TMEM131: variants seen among roughly 807,000 people sequenced by gnomAD.
The protein encoded by TMEM131 is 2610524E03Rik.
A neutral mutation model predicts 211.6 loss-of-function variants in TMEM131; 66 were observed. That is an observed-to-expected ratio of 0.31 (90% CI 0.26 to 0.38). TMEM131 has a LOEUF of 0.38. TMEM131 is among the 10% of genes least tolerant of loss of function. The probability of loss-of-function intolerance (pLI) is 1.00; values close to 1 mark genes in which losing one functional copy is unlikely to be tolerated. For synonymous variants in TMEM131, 844 were observed against 841.3 expected (o/e 1.00, Z -0.06); for missense variants, 2,036 against 2,299.3 (o/e 0.89, Z 2.34).
intron 31 of TMEM131, among the ~76,000 whole-genome samples, chr2:97,791,823 G>T (rs112028458): frequency 2.6e-5 from 4 of 152,200 alleles, no homozygotes; most frequent in African/African-American, 7.2e-5. Flanking sequence ...TTTGCAAAGG[G>T]CCAGATAGCA....
At chr2:97,833,550 A>G (rs926606860) in intron 10 of TMEM131, 124 bp from the exon 11 acceptor site, 14 of 579,658 alleles carry the variant, frequency 2.4e-5, no homozygotes, top group Non-Finnish European at 4.3e-5. Flanking sequence ...AATAAGATTA[A>G]TAAAAAGAAA....
chr2:97,941,471 G>C (rs921500041), intron 1 of TMEM131, among the ~76,000 whole-genome samples: 1 of 152,164 alleles, frequency 6.6e-6, no homozygotes, highest in Non-Finnish European at 1.5e-5. Flanking sequence ...AAAATTGACA[G>C]ATGGGATCTA....
chr2:97,802,012 G>A (rs1384625315), intron 24 of TMEM131, 51 bp from the exon 25 acceptor site: 1 of 1,302,120 alleles, frequency 7.7e-7, no homozygotes. Flanking sequence ...TCACAGTTAA[G>A]GGAGTTATGG....
At chr2:97,882,718 G>A (rs896948746) in intron 4 of TMEM131, among the ~76,000 whole-genome samples, 9 of 152,242 alleles carry the variant, frequency 5.9e-5, no homozygotes, top group East Asian at 1.9e-4. Context: ...ACCCATGTGC[G>A]TGTATATATA....
chr2:97,815,041 T>C (rs1681752503), intron 13 of TMEM131, among the ~76,000 whole-genome samples, 158 bp downstream of exon 13: 2 of 152,128 alleles, frequency 1.3e-5, no homozygotes, highest in African/African-American at 4.8e-5. Flanking sequence ...AAACAAAATA[T>C]AGGAGGTTTT....
At chr2:97,789,348 G>A (rs1321208204) in intron 31 of TMEM131, among the ~76,000 whole-genome samples, 4 of 152,214 alleles carry the variant, frequency 2.6e-5, no homozygotes, top group Non-Finnish European at 4.4e-5. Context: ...GTTCCTAACA[G>A]ATGCTTCTGC....
chr2:97,938,389 A>AT (rs1193112195), intron 1 of TMEM131, among the ~76,000 whole-genome samples: 7 of 152,198 alleles, frequency 4.6e-5, no homozygotes, highest in African/African-American at 7.2e-5. Context: ...CTAGTCTCTG[A>AT]TAAAACAGAC....
At chr2:97,875,918 A>G (rs974212542) in intron 4 of TMEM131, among the ~76,000 whole-genome samples, 1 of 152,226 alleles carries the variant, frequency 6.6e-6, no homozygotes, top group African/African-American at 2.4e-5. Context: ...AAAAAAATCA[A>G]TGAATCCAGG....
chr2:97,929,847 T>C (rs1420910846), intron 1 of TMEM131, among the ~76,000 whole-genome samples: 1 of 151,860 alleles, frequency 6.6e-6, no homozygotes. Context: ...TTTTTCTGGT[T>C]ATGTTATCTC....
chr2:97,905,506 TTA>T (rs1289096151), intron 3 of TMEM131, among the ~76,000 whole-genome samples: 2 of 152,184 alleles, frequency 1.3e-5, no homozygotes, highest in Non-Finnish European at 2.9e-5. Flanking sequence ...TAGACATGTG[TTA>T]GACTGCTTGC....
chr2:97,883,562 G>A (rs1432271423), intron 4 of TMEM131, among the ~76,000 whole-genome samples: 3 of 152,018 alleles, frequency 2.0e-5, no homozygotes, highest in Non-Finnish European at 2.9e-5. Flanking sequence ...TCATGACACC[G>A]AACTGTTCTC....
At chr2:97,785,824 A>G (rs1680222219) in intron 31 of TMEM131, among the ~76,000 whole-genome samples, 1 of 152,264 alleles carries the variant, frequency 6.6e-6, no homozygotes, top group South Asian at 2.1e-4. Flanking sequence ...AAGTTGGACT[A>G]CTATTCAGCA....
At chr2:97,934,157 T>C (rs567488996) in intron 1 of TMEM131, among the ~76,000 whole-genome samples, 111 of 152,250 alleles carry the variant, frequency 7.3e-4, no homozygotes, top group African/African-American at 2.2e-3. Flanking sequence ...AGGTAATAAG[T>C]ACATATAGCA....
At chr2:97,935,430 TA>T (rs1293467740) in intron 1 of TMEM131, among the ~76,000 whole-genome samples, 1 of 152,194 alleles carries the variant, frequency 6.6e-6, no homozygotes, top group Non-Finnish European at 1.5e-5. Flanking sequence ...GAATCTGTAT[TA>T]AAAAATGAAA....
At chr2:97,931,764 G>A (rs1373363150) in intron 1 of TMEM131, among the ~76,000 whole-genome samples, 11 of 152,124 alleles carry the variant, frequency 7.2e-5, no homozygotes, top group Admixed American at 7.2e-4. Context: ...AGAAGAAAGG[G>A]CCACACAGGC....
At chr2:97,922,364 A>G (rs1676778188) in intron 2 of TMEM131, among the ~76,000 whole-genome samples, 1 of 152,182 alleles carries the variant, frequency 6.6e-6, no homozygotes, top group Non-Finnish European at 1.5e-5. Context: ...TCTATGACCC[A>G]ACAACTGCAT....
chr2:97,886,843 G>A (rs541324478), intron 4 of TMEM131, among the ~76,000 whole-genome samples: 7 of 152,318 alleles, frequency 4.6e-5, no homozygotes, highest in South Asian at 4.1e-4. Flanking sequence ...GCTTTGTGAC[G>A]TGTGGATTTA....
At chr2:97,771,257 T>C (rs1013776044) in intron 33 of TMEM131, among the ~76,000 whole-genome samples, 3 of 152,230 alleles carry the variant, frequency 2.0e-5, no homozygotes, top group African/African-American at 7.2e-5. Flanking sequence ...CACCATATAC[T>C]GTATTATTTC....
rs963473100 is a variant in TMEM131 at position 97,795,078 on chromosome 2, C to T, written c.3238G>A (p.Glu1080Lys). The T allele has an allele frequency of 1.2e-6, 2 of 1,613,674 alleles. No homozygotes were observed. The change falls in exon 29 of 41, where the codon GAA (glutamate) becomes AAA (lysine). Residue 1080 changes from glutamate (E) to lysine (K), a missense_variant. By Grantham distance (56) the Glu-to-Lys change is moderately conservative. Coordinates refer to ENST00000186436, the MANE Select transcript of TMEM131 (RefSeq NM_015348.2). ...CCACTGGTTGTTATAAACTTCAGTT[C>T]CCGAATAACTCTAGAAGCTGTAAAA... ...PDFTASRVIR[E>K]LKFITTSGSE...
Sources: gnomAD v4.1 joint callset for allele counts (sites outside exome capture counted in the v4.1 genomes callset) on GRCh38, gnomAD v4.1.1 for gene constraint, MANE v1.5 for transcripts, NCBI Gene and HGNC (gene_info 2026-07-23, HGNC 2026-07-21) for gene names.